The following ASH2L variants were observed in gnomAD, a reference collection of about 807,000 sequenced individuals.
The protein encoded by ASH2L is set1/Ash2 histone methyltransferase complex subunit ASH2.
In ASH2L, 30 loss-of-function variants were observed where a neutral mutation model predicts 81.1. The ratio of observed to expected loss-of-function variants is 0.37; its 90% confidence interval spans 0.28 to 0.50. ASH2L has a LOEUF of 0.50. Among genes scored for constraint, ASH2L ranks in the 20% least tolerant of loss-of-function variants. ASH2L has a pLI of 0.95. For synonymous variants in ASH2L, 273 were observed against 279.9 expected (o/e 0.98, Z 0.24); for missense variants, 559 against 792.1 (o/e 0.71, Z 3.53).
At chr8:38,129,270 A>G (rs562293940) in intron 12 of ASH2L, among the ~76,000 whole-genome samples, 3 of 152,308 alleles carry the variant, frequency 2.0e-5, no homozygotes, top group Admixed American at 2.0e-4. Context: ...TACAAAATGT[A>G]TATAAAATGA....
chr8:38,117,100 T>C (rs1455888536), intron 8 of ASH2L, among the ~76,000 whole-genome samples: 2 of 152,246 alleles, frequency 1.3e-5, no homozygotes, highest in African/African-American at 2.4e-5. Context: ...GCCCATCTTC[T>C]AATTTTTCTT....
intron 6 of ASH2L, 54 bp from the exon 7 acceptor site, chr8:38,114,851 C>A: frequency 8.6e-7 from 1 of 1,169,244 alleles, no homozygotes; most frequent in Non-Finnish European, 1.3e-6. Flanking sequence ...ATTATTAATT[C>A]CATACTTTTA....
At chr8:38,133,342 A>C in intron 12 of ASH2L, 112 bp from the exon 13 acceptor site, 1 of 706,754 alleles carries the variant, frequency 1.4e-6, no homozygotes, top group Non-Finnish European at 2.4e-6. Context: ...AAAGATTTTT[A>C]ATATCTGTTG....
intron 14 of ASH2L, chr8:38,137,676 C>G (rs1381340573): frequency 6.6e-6 from 1 of 152,020 alleles, no homozygotes; most frequent in Non-Finnish European, 1.5e-5. Flanking sequence ...TGCAGTGAGC[C>G]AAGATCATGC....
At chr8:38,122,293 AT>A (rs1801659868) in intron 10 of ASH2L, 1 of 151,940 alleles carries the variant, frequency 6.6e-6, no homozygotes, top group South Asian at 2.1e-4. Flanking sequence ...CCAATCTTAT[AT>A]TTTCTGTGCC....
intron 10 of ASH2L, among the ~76,000 whole-genome samples, chr8:38,126,203 CAAA>C (rs766575804): frequency 7.8e-6 from 1 of 128,224 alleles, no homozygotes; most frequent in Non-Finnish European, 1.7e-5. Flanking sequence ...ACTCTATCTC[CAAA>C]AAAAAAAAAC....
intron 9 of ASH2L, among the ~76,000 whole-genome samples, chr8:38,120,583 C>A (rs79551072): frequency 0.016 from 1,946 of 119,278 alleles, 50 homozygotes; most frequent in African/African-American, 0.06. Flanking sequence ...ATACTAAAGA[C>A]TATCACCCTA....
chr8:38,114,147 T>A (rs540192328), intron 5 of ASH2L, 45 bp from the exon 6 acceptor site: 1 of 1,148,590 alleles, frequency 8.7e-7, no homozygotes, highest in South Asian at 1.4e-5. Flanking sequence ...TGTCAGCATA[T>A]CTTTGATTGC....
chr8:38,106,163 T>A lies in ASH2L; in HGVS notation c.189-215T>A. On this transcript the variant is annotated intron_variant, in intron 1 of 15. Transcript: ENST00000343823. ...AGGTAGATTTGACTGTAAAGGCCGGTTAGGCTTCCCTGTGCTCCGTGGGTC... is the reference window on the plus strand; with the variant it reads ...AGGTAGATTTGACTGTAAAGGCCGGATAGGCTTCCCTGTGCTCCGTGGGTC... 5 of 1,532,074 alleles carry A rather than the reference T, an allele frequency of 3.3e-6. No individual in the cohort carries two copies. In the African/African-American group the frequency reaches 5.5e-5, roughly 17 times the overall value. The allele number at this position is 1,532,074 out of a possible 1,614,324, so 94.9% of individuals were successfully genotyped here. A position where few individuals can be genotyped will look rare whatever the true frequency, so the allele number is the denominator to read the frequency against.
chr8:38,138,851 T>C lies in ASH2L; in HGVS notation c.1755T>C (p.Pro585=). 2 of 1,614,238 alleles carry C rather than the reference T, an allele frequency of 1.2e-6. No individual in the cohort carries two copies. Among genetic ancestry groups the C allele is most frequent in the Non-Finnish European group, 1.7e-6 (2 of 1,180,038 alleles). ...SINFGPCFKY[P]PKDLTYRPMS... Reference sequence around the variant, plus strand: ...ACTTTGGACCATGCTTCAAGTATCCTCCGAAGGATCTCACTTACCGCCCTG... The same window carrying C: ...ACTTTGGACCATGCTTCAAGTATCCCCCGAAGGATCTCACTTACCGCCCTG... Residue 585 remains proline, a synonymous_variant, in exon 15 of 16, where the codon CCT becomes CCC. Transcript: ENST00000343823.
chr8:38,115,686 A>G (rs1311027657), intron 7 of ASH2L, among the ~76,000 whole-genome samples: 2 of 152,210 alleles, frequency 1.3e-5, no homozygotes. Flanking sequence ...TCTGTCTTGT[A>G]AAATGAAAAC....
chr8:38,112,617 CTG>C (rs1238682913), intron 5 of ASH2L, among the ~76,000 whole-genome samples: 3 of 152,106 alleles, frequency 2.0e-5, no homozygotes, highest in Non-Finnish European at 4.4e-5. Context: ...GTTTTTTAGA[CTG>C]TCACATCAGG....
intron 3 of ASH2L, 60 bp downstream of exon 3, chr8:38,107,226 A>T: frequency 6.3e-7 from 1 of 1,599,010 alleles, no homozygotes; most frequent in Non-Finnish European, 8.6e-7. Context: ...GAACATGCTC[A>T]ACAGTTACTT....
At chr8:38,127,862 A>G (rs1801915653) in intron 10 of ASH2L, among the ~76,000 whole-genome samples, 1 of 151,234 alleles carries the variant, frequency 6.6e-6, no homozygotes. Flanking sequence ...CCTGACCAAC[A>G]TGGTGAAACC....
At position 38,128,340 on chromosome 8, in the gene ASH2L, G is replaced by A; in HGVS notation, c.1215G>A (p.Lys405=). ...SDDRLTVVGE[K]GYSMVRASHG... ...ACCGGCTGACTGTGGTTGGAGAGAA[G>A]GGCTACTCTATGGTGAGGGCCTCTC... The change falls in exon 11 of 16, where the codon AAG becomes AAA. Residue 405 remains lysine (K), a synonymous_variant. Coordinates refer to ENST00000343823, the MANE Select transcript of ASH2L (RefSeq NM_004674.5). 1.2e-6 allele frequency: 2 copies of A among 1,614,160 alleles called. No homozygotes were observed. Among genetic ancestry groups the A allele is most frequent in the South Asian group, 2.2e-5 (2 of 91,084 alleles).
chr8:38,130,831 C>T (rs1333432009), intron 12 of ASH2L, among the ~76,000 whole-genome samples: 1 of 152,014 alleles, frequency 6.6e-6, no homozygotes, highest in Non-Finnish European at 1.5e-5. Context: ...ACTCCCGCCT[C>T]GGCCTCCCAA....
chr8:38,106,430 G>A lies in ASH2L; in HGVS notation c.241G>A (p.Gly81Arg). 2 of 1,613,686 alleles carry A rather than the reference G, an allele frequency of 1.2e-6. No individual in the cohort carries two copies. The highest frequency in any genetic ancestry group is 1.7e-6 in the Non-Finnish European group (2 of 1,179,702). ...SGGLETESSN[G>R]KDTLEGAGDT... Reference sequence around the variant, plus strand: ...TGGCTTGGAGACAGAATCATCTAATGGAAAAGATACACTAGTAAGTATTTT... The same window carrying A: ...TGGCTTGGAGACAGAATCATCTAATAGAAAAGATACACTAGTAAGTATTTT... Residue 81 changes from glycine to arginine, a missense_variant, in exon 2 of 16, where the codon GGA becomes AGA. Around this residue, in one of 4 missense-constraint regions of ASH2L, gnomAD observed 145 missense variants for 115.5 expected, o/e 1.26. Transcript: ENST00000343823.
rs2897710 is a variant in ASH2L at position 38,127,907 on chromosome 8, G to A, written c.1166-384G>A. ...CTAAAAATACAAAAATGAGCTGGGC[G>A]TGGTGGCACGCGCCTGTAATCCCAG... is the stretch of plus-strand genomic sequence containing the variant. On this transcript the variant is annotated intron_variant, in intron 10 of 15. Transcript: ENST00000343823. Among the ~76,000 whole-genome samples, 185 of 151,984 alleles carry A rather than the reference G, an allele frequency of 1.2e-3. 2 individuals are homozygous for A. The highest frequency in any genetic ancestry group is 9.3e-3 in the Admixed American group (142 of 15,256).
intron 5 of ASH2L, among the ~76,000 whole-genome samples, chr8:38,111,210 C>T (rs1156861688): frequency 1.3e-5 from 2 of 151,884 alleles, no homozygotes; most frequent in African/African-American, 2.4e-5. Flanking sequence ...GGATTACAGG[C>T]GTGAGCCACC....
Sources: allele counts gnomAD v4.1 joint callset (sites outside exome capture counted in the v4.1 genomes callset), GRCh38; gene constraint gnomAD v4.1.1; regional missense constraint gnomAD v4.1.1; transcripts MANE v1.5; gene names NCBI Gene and HGNC (gene_info 2026-07-23, HGNC 2026-07-21).